Variants in ELMO1 observed in about 807,000 individuals in gnomAD.
The protein encoded by ELMO1 is engulfment and cell motility 1.
In ELMO1, 26 loss-of-function variants were observed where a neutral mutation model predicts 98.9. That is an observed-to-expected ratio of 0.26 (90% CI 0.19 to 0.36). The LOEUF is 0.36. Among genes scored for constraint, ELMO1 ranks in the 10% least tolerant of loss-of-function variants. The probability of loss-of-function intolerance (pLI) is 1.00; values close to 1 mark genes in which losing one functional copy is unlikely to be tolerated. For missense variants in ELMO1, 627 were observed against 935.2 expected (o/e 0.67, Z 4.30); for synonymous variants, 346 against 346.0 (o/e 1.00, Z 0.00).
rs924082578 is a variant in ELMO1, at chr7:36,944,646, G to A, written c.1438-49629C>T. ...GAGGAGATCAGTTTCTCTGATGACC[G>A]GAGCTCCTTGAAGTCAACGGGACTT... On this transcript the variant is annotated intron_variant, in intron 16 of 21. Transcript: ENST00000310758. Among the ~76,000 whole-genome samples the A allele has an allele frequency of 5.9e-5, 9 of 152,124 alleles. No homozygotes were observed. In the South Asian group the frequency reaches 8.3e-4, roughly 14 times the overall value.
intron 1 of ELMO1, among the ~76,000 whole-genome samples, chr7:37,400,310 C>T (rs959179131): frequency 7.2e-5 from 11 of 152,082 alleles, no homozygotes; most frequent in African/African-American, 1.9e-4. Context: ...GAATCCGCAT[C>T]GGTACACTGT....
intron 13 of ELMO1, among the ~76,000 whole-genome samples, chr7:37,148,072 T>C (rs1788114234): frequency 6.6e-6 from 1 of 152,144 alleles, no homozygotes; most frequent in Non-Finnish European, 1.5e-5. Context: ...AGAGACACTG[T>C]CTAGGGAAGG....
At chr7:37,197,864 C>T (rs1792063837) in intron 13 of ELMO1, among the ~76,000 whole-genome samples, 1 of 152,206 alleles carries the variant, frequency 6.6e-6, no homozygotes, top group South Asian at 2.1e-4. Context: ...ACCCCATCAC[C>T]ACTCAGCCCT....
intron 13 of ELMO1, among the ~76,000 whole-genome samples, chr7:37,209,531 G>A (rs1792837189): frequency 6.6e-6 from 1 of 152,210 alleles, no homozygotes; most frequent in South Asian, 2.1e-4. Context: ...TCCCTCAGAA[G>A]AGGAATCAAT....
intron 4 of ELMO1, among the ~76,000 whole-genome samples, chr7:37,307,023 G>A (rs1201569981): frequency 6.6e-6 from 1 of 152,102 alleles, no homozygotes. Flanking sequence ...TCTTCCTCTA[G>A]ATTGAAAACT....
intron 14 of ELMO1, among the ~76,000 whole-genome samples, chr7:37,124,961 G>C (rs1786393083): frequency 6.6e-6 from 1 of 152,160 alleles, no homozygotes; most frequent in Non-Finnish European, 1.5e-5. Flanking sequence ...GAACAGAACA[G>C]AGCCCTCAGA....
At chr7:37,198,027 T>C (rs1015372683) in intron 13 of ELMO1, among the ~76,000 whole-genome samples, 1 of 152,222 alleles carries the variant, frequency 6.6e-6, no homozygotes, top group African/African-American at 2.4e-5. Context: ...TTGAGTCTTA[T>C]CTGCTTTTGA....
At chr7:37,432,894 A>C (rs1485036892) in intron 1 of ELMO1, among the ~76,000 whole-genome samples, 3 of 152,266 alleles carry the variant, frequency 2.0e-5, no homozygotes, top group Non-Finnish European at 2.9e-5. Flanking sequence ...CTAGTAGAGA[A>C]TTATAAGTAG....
intron 15 of ELMO1, among the ~76,000 whole-genome samples, chr7:37,091,820 G>A (rs143337191): frequency 9.2e-4 from 140 of 152,280 alleles, no homozygotes; most frequent in African/African-American, 3.2e-3. Flanking sequence ...ATGGCGGCAG[G>A]CAAGACAGAA....
Position 37,413,929 on chromosome 7 carries a change from C to T in ELMO1, c.-74+34746G>A, listed in dbSNP as rs1000564861. ...CTGGTCTCAAGTGATCTGCCTGCCT[C>T]GCCCTCCCAGAGTGCTGGGATTAGG... On this transcript the variant is annotated intron_variant, in intron 1 of 21. Coordinates refer to ENST00000310758, the MANE Select transcript of ELMO1 (RefSeq NM_014800.11). 5.3e-4 allele frequency among the ~76,000 whole-genome samples: 80 copies of T among 152,118 alleles called. 2 individuals carry two copies. Among genetic ancestry groups the T allele is most frequent in the Non-Finnish European group, 2.2e-4 (15 of 68,028 alleles).
At chr7:37,150,598 A>C (rs953498562) in intron 13 of ELMO1, among the ~76,000 whole-genome samples, 2 of 152,208 alleles carry the variant, frequency 1.3e-5, no homozygotes, top group African/African-American at 4.8e-5. Context: ...ATAGTAGTAT[A>C]TAGTCCTTGT....
chr7:36,899,619 T>C (rs559664577), intron 16 of ELMO1, among the ~76,000 whole-genome samples: 2 of 148,698 alleles, frequency 1.3e-5, no homozygotes, highest in East Asian at 2.0e-4. Context: ...GCATGTTTCC[T>C]GGGGCTTTGA....
At chr7:37,066,231 G>C (rs1796954568) in intron 15 of ELMO1, among the ~76,000 whole-genome samples, 1 of 152,188 alleles carries the variant, frequency 6.6e-6, no homozygotes, top group Non-Finnish European at 1.5e-5. Context: ...AGCCAGGTAA[G>C]TCACAACCAC....
chr7:36,878,132 A>G lies in ELMO1; in HGVS notation c.1715-15T>C, dbSNP rs1804122414. ...CCAAAACTTGTCTGAGAGAAAAAAC[A>G]CAAGTTTACAAGGTAAGTGATTGTG... On this transcript the variant is annotated splice_polypyrimidine_tract_variant and intron_variant, in intron 18 of 21. Coordinates refer to ENST00000310758, the MANE Select transcript of ELMO1 (RefSeq NM_014800.11). 1 of 1,586,572 alleles carries G rather than the reference A, an allele frequency of 6.3e-7. No individual in the cohort carries two copies.
At chr7:36,936,240 A>C (rs1786517026) in intron 16 of ELMO1, among the ~76,000 whole-genome samples, 1 of 152,132 alleles carries the variant, frequency 6.6e-6, no homozygotes, top group Non-Finnish European at 1.5e-5. Context: ...CATTCTGAAG[A>C]GACCCCTGTC....
chr7:37,420,866 C>T (rs1258105612), intron 1 of ELMO1, among the ~76,000 whole-genome samples: 1 of 152,212 alleles, frequency 6.6e-6, no homozygotes, highest in Non-Finnish European at 1.5e-5. Context: ...TGGCTCTCTT[C>T]GGATGCCTGT....
At chr7:36,941,755 T>G (rs1434246267) in intron 16 of ELMO1, among the ~76,000 whole-genome samples, 1 of 152,228 alleles carries the variant, frequency 6.6e-6, no homozygotes, top group Non-Finnish European at 1.5e-5. Flanking sequence ...TGGCCAAACA[T>G]GTACTTTCAA....
At chr7:37,381,647 G>A (rs976804000) in intron 1 of ELMO1, among the ~76,000 whole-genome samples, 1 of 152,174 alleles carries the variant, frequency 6.6e-6, no homozygotes, top group African/African-American at 2.4e-5. Flanking sequence ...CAGAGTTAAA[G>A]CTTGAACCAT....
At chr7:37,370,640 G>A (rs1016665524) in intron 1 of ELMO1, among the ~76,000 whole-genome samples, 3 of 151,962 alleles carry the variant, frequency 2.0e-5, no homozygotes, top group Non-Finnish European at 2.9e-5. Flanking sequence ...AAAACAAGAA[G>A]GTCAATAAAC....
Sources: gnomAD v4.1 joint callset for allele counts (sites outside exome capture counted in the v4.1 genomes callset) on GRCh38, gnomAD v4.1.1 for gene constraint, MANE v1.5 for transcripts, NCBI Gene and HGNC (gene_info 2026-07-23, HGNC 2026-07-21) for gene names.